KIFC3: variants seen among roughly 807,000 people sequenced by gnomAD.
The protein encoded by KIFC3 is kinesin family member C3.
KIFC3 carries 60 observed loss-of-function variants against 101.8 expected under a neutral mutation model. That is an observed-to-expected ratio of 0.59 (90% CI 0.48 to 0.73). The LOEUF (loss-of-function observed/expected upper bound fraction) is 0.73, where lower values mean the gene tolerates loss of function less well. Among genes scored for constraint, KIFC3 ranks in the 30% least tolerant of loss-of-function variants. KIFC3 has a pLI of 0.00. For missense variants in KIFC3, 966 were observed against 1,137.1 expected, an observed-to-expected ratio of 0.85 and a Z score of 2.16; for synonymous variants, 476 against 482.7, an observed-to-expected ratio of 0.99 and a Z score of 0.18.
At chr16:57,810,422 C>T (rs2149257549) in intron 1 of KIFC3, among the ~76,000 whole-genome samples, 1 of 152,318 alleles carries the variant, frequency 6.6e-6, no homozygotes, top group African/African-American at 2.4e-5. Flanking sequence ...CAAACAGCAA[C>T]AGGAAGTTTT....
upstream of KIFC3, among the ~76,000 whole-genome samples, chr16:57,806,296 G>T (rs1198524491): frequency 1.3e-5 from 2 of 152,126 alleles, no homozygotes; most frequent in East Asian, 3.9e-4. Context: ...TGCCTGGAAA[G>T]CCCCTCTCCT....
At chr16:57,765,958 C>T (rs543033369) in intron 10 of KIFC3, 1 of 260,794 alleles carries the variant, frequency 3.8e-6, no homozygotes, top group Non-Finnish European at 7.3e-6. Context: ...CTCTTTTTCT[C>T]CCTGGACTTC....
intron 1 of KIFC3, among the ~76,000 whole-genome samples, chr16:57,826,394 A>G (rs566890083): frequency 9.2e-5 from 14 of 152,230 alleles, no homozygotes; most frequent in Non-Finnish European, 1.9e-4. Flanking sequence ...ACTTCCAAGA[A>G]TGCCCTTATA....
intron 3 of KIFC3, chr16:57,782,031 C>T (rs184317613): frequency 2.8e-5 from 28 of 985,450 alleles, no homozygotes; most frequent in Non-Finnish European, 3.4e-5. Flanking sequence ...GCAGAGTGTA[C>T]CCCCTGGCGG....
intron 1 of KIFC3, among the ~76,000 whole-genome samples, chr16:57,823,927 T>G (rs1418779213): frequency 6.6e-6 from 1 of 152,082 alleles, no homozygotes; most frequent in Non-Finnish European, 1.5e-5. Context: ...ACGCCCAGCC[T>G]AAACTACTAA....
At chr16:57,783,472 C>CTTTTTTTTTTTTTTT (rs146386887) in intron 3 of KIFC3, among the ~76,000 whole-genome samples, 1 of 82,624 alleles carries the variant, frequency 1.2e-5, no homozygotes, top group Admixed American at 1.2e-4. Context: ...ATTTTCTTTT[C>CTTTTTTTTTTTTTTT]TTTTTTTTTT....
chr16:57,765,542 A>AGTC lies in KIFC3; in HGVS notation c.1426_1428dup (p.Asp476dup). 6.3e-7 allele frequency: 1 copy of AGTC among 1,599,772 alleles called. No homozygotes were observed. Among genetic ancestry groups the AGTC allele is most frequent in the Non-Finnish European group, 8.5e-7 (1 of 1,172,568 alleles). On this transcript the variant is annotated inframe_insertion, in exon 11 of 20. Coordinates refer to ENST00000445690, the MANE Select transcript of KIFC3 (RefSeq NM_001130100.2). ...CCCTTGTGCAGCAGGTGGATGATGGAGTCGTCGTCGGCATCGAAAGTCACA... is the reference window on the plus strand; with the variant it reads ...CCCTTGTGCAGCAGGTGGATGATGGAGTCGTCGTCGTCGGCATCGAAAGTCACA...
rs547726574 is a variant in KIFC3 at position 57,845,143 on chromosome 16, T to A, written c.108+17586A>T. On this transcript the variant is annotated intron_variant, in intron 1 of 2. Coordinates refer to the KIFC3 transcript ENST00000563028. ...CATTCCCCACAAATCTGGTTTCTCCTTCAGCCTTCTCATCCCAGCTAATAG... is the reference window on the plus strand; with the variant it reads ...CATTCCCCACAAATCTGGTTTCTCCATCAGCCTTCTCATCCCAGCTAATAG... Among the ~76,000 whole-genome samples the A allele has an allele frequency of 3.3e-5, 5 of 152,290 alleles. No individual in the cohort carries two copies. In the East Asian group the frequency reaches 9.7e-4, roughly 29 times the overall value.
chr16:57,771,231 A>G lies in KIFC3; in HGVS notation c.732T>C (p.Ile244=). Residue 244 remains isoleucine, a synonymous_variant, in exon 6 of 20, where the codon ATT becomes ATC. Coordinates refer to ENST00000445690, the MANE Select transcript of KIFC3 (RefSeq NM_001130100.2). Reference sequence around the variant, plus strand: ...GTGGGGACTGGGCCCGCAGGCTGGCAATGGTCTCGTGGCTGTCACGCAGGC... The same window carrying G: ...GTGGGGACTGGGCCCGCAGGCTGGCGATGGTCTCGTGGCTGTCACGCAGGC... ...SRRLRDSHET[I]ASLRAQSPPV... The G allele has an allele frequency of 6.2e-7, 1 of 1,613,072 alleles. No homozygotes were observed. Among genetic ancestry groups the G allele is most frequent in the Non-Finnish European group, 8.5e-7 (1 of 1,179,990 alleles).
chr16:57,825,483 CTGAGGCCACTGTGGGGCCAGCTG>C (rs1555630638), intron 1 of KIFC3, among the ~76,000 whole-genome samples: 2 of 152,212 alleles, frequency 1.3e-5, no homozygotes, highest in Non-Finnish European at 2.9e-5. Flanking sequence ...CATTTAACCC[CTGAGGCCACTGTGGGGCCAGCTG>C]TGAGTCAGGC....
intron 3 of KIFC3, among the ~76,000 whole-genome samples, chr16:57,780,769 G>A (rs2052640377): frequency 1.4e-5 from 2 of 147,482 alleles, no homozygotes; most frequent in Non-Finnish European, 3.0e-5. Context: ...CCACCTCCCG[G>A]GTTCAAGCAA....
chr16:57,773,338 G>A (rs2148992549), intron 3 of KIFC3, among the ~76,000 whole-genome samples: 1 of 152,308 alleles, frequency 6.6e-6, no homozygotes, highest in East Asian at 1.9e-4. Context: ...GCTGTGCAGG[G>A]CTTGGCTCCC....
chr16:57,785,449 A>C (rs1568018952), intron 3 of KIFC3: 1 of 1,279,262 alleles, frequency 7.8e-7, no homozygotes, highest in Non-Finnish European at 1.0e-6. Flanking sequence ...TGCCCATCCC[A>C]GCCTCCCCAG....
intron 1 of KIFC3, among the ~76,000 whole-genome samples, chr16:57,858,819 A>T (rs1309795074): frequency 3.3e-5 from 5 of 152,158 alleles, no homozygotes; most frequent in Non-Finnish European, 7.4e-5. Context: ...GCGTGGTGGC[A>T]CGTGCCTGTA....
At chr16:57,796,521 T>A (rs1226788487) in intron 2 of KIFC3, among the ~76,000 whole-genome samples, 1 of 152,096 alleles carries the variant, frequency 6.6e-6, no homozygotes, top group African/African-American at 2.4e-5. Context: ...GGTGGCAATA[T>A]GGGGGTTGGT....
At chr16:57,860,068 A>AAATC (rs2056268073) in intron 1 of KIFC3, among the ~76,000 whole-genome samples, 2 of 146,396 alleles carry the variant, frequency 1.4e-5, no homozygotes, top group African/African-American at 2.4e-5. Flanking sequence ...AAAATAAAAT[A>AAATC]AAATAAAATA....
chr16:57,774,974 A>G (rs1555611030), intron 3 of KIFC3: 4 of 1,533,470 alleles, frequency 2.6e-6, no homozygotes, highest in Non-Finnish European at 3.5e-6. Context: ...GGCTGGGCGC[A>G]CTAACCTTGA....
Position 57,758,349 on chromosome 16 carries a change from C to T in KIFC3, c.*585G>A, listed in dbSNP as rs1555589852. 2 of 280,510 alleles carry T rather than the reference C, an allele frequency of 7.1e-6. No individual in the cohort carries two copies. The highest frequency in any genetic ancestry group is 2.3e-5 in the African/African-American group (1 of 44,032). 17.4% of individuals were successfully genotyped at this position (280,510 alleles called of 1,614,324 possible). ...GCAGGTGAGCGAGCAGCAGAATCCC[C>T]CACCCGCTGGCTGCCTCTGCCAGCC... is the stretch of plus-strand genomic sequence containing the variant. On this transcript the variant is annotated 3_prime_UTR_variant, in exon 20 of 20. Coordinates refer to ENST00000445690, the MANE Select transcript of KIFC3 (RefSeq NM_001130100.2).
intron 2 of KIFC3, among the ~76,000 whole-genome samples, chr16:57,795,887 T>TTTTTTG (rs1568047743): frequency 6.2e-5 from 2 of 32,242 alleles, no homozygotes; most frequent in East Asian, 3.2e-4. Context: ...CTTTTTTGTT[T>TTTTTTG]TTTTTTTTTT....
Sources: gnomAD v4.1 joint callset for allele counts (sites outside exome capture counted in the v4.1 genomes callset) on GRCh38, gnomAD v4.1.1 for gene constraint, MANE v1.5 for transcripts, NCBI Gene and HGNC (gene_info 2026-07-23, HGNC 2026-07-21) for gene names.